Variants in LAMA4 observed in about 807,000 individuals in gnomAD.
LAMA4 encodes the protein laminin subunit alpha-4.
LAMA4 carries 127 observed loss-of-function variants against 207.1 expected under a neutral mutation model. That is an observed-to-expected ratio of 0.61 (90% CI 0.53 to 0.71). The LOEUF (loss-of-function observed/expected upper bound fraction) is 0.71, where lower values mean the gene tolerates loss of function less well. LAMA4 is among the 30% of genes least tolerant of loss of function. The pLI, the probability that LAMA4 is intolerant of heterozygous loss-of-function variation, is 0.00. For missense variants in LAMA4, 2,093 were observed against 2,246.5 expected, an observed-to-expected ratio of 0.93 and a Z score of 1.38; for synonymous variants, 761 against 816.0, an observed-to-expected ratio of 0.93 and a Z score of 1.15.
chr6:112,175,231 T>C (rs1781950338), intron 11 of LAMA4, 82 bp downstream of exon 11: 2 of 1,338,380 alleles, frequency 1.5e-6, no homozygotes, highest in South Asian at 2.4e-5. Flanking sequence ...TGATTATATG[T>C]TGCCCTAGGT....
intron 2 of LAMA4, among the ~76,000 whole-genome samples, chr6:112,233,649 T>C (rs1439410974): frequency 3.3e-5 from 5 of 152,062 alleles, no homozygotes; most frequent in Admixed American, 3.3e-4. Context: ...AGATGTGCGG[T>C]TTGTGGAGGA....
At chr6:112,184,072 A>C (rs1288847645) in intron 9 of LAMA4, among the ~76,000 whole-genome samples, 5 of 152,016 alleles carry the variant, frequency 3.3e-5, no homozygotes, top group Admixed American at 2.0e-4. Context: ...TATTTCCTTT[A>C]CTATTTAAGA....
intron 2 of LAMA4, among the ~76,000 whole-genome samples, chr6:112,227,959 A>G (rs1554363095): frequency 6.6e-6 from 1 of 152,212 alleles, no homozygotes; most frequent in Non-Finnish European, 1.5e-5. Flanking sequence ...AAGATCCTCA[A>G]AATAGTGCAC....
At chr6:112,246,520 CTT>C (rs11364561) in intron 2 of LAMA4, among the ~76,000 whole-genome samples, 326 of 127,762 alleles carry the variant, frequency 2.6e-3, no homozygotes, top group Middle Eastern at 4.0e-3. Context: ...ATCAAAGCTG[CTT>C]TTTTTTTTTT....
intron 14 of LAMA4, among the ~76,000 whole-genome samples, chr6:112,156,752 G>A (rs1014307881): frequency 9.9e-5 from 15 of 152,046 alleles, no homozygotes; most frequent in African/African-American, 3.4e-4. Context: ...CGCCTGACCT[G>A]TTGAGCTCGG....
intron 12 of LAMA4, chr6:112,171,672 T>C (rs1378644549): frequency 2.5e-5 from 2 of 80,860 alleles, no homozygotes; most frequent in Admixed American, 2.9e-4. Flanking sequence ...CATGCATTCA[T>C]TTAGCAAAAA....
chr6:112,209,634 G>C (rs547523642), intron 3 of LAMA4, among the ~76,000 whole-genome samples: 18 of 152,266 alleles, frequency 1.2e-4, no homozygotes, highest in African/African-American at 4.1e-4. Flanking sequence ...TGACCTTCCT[G>C]GTTTTCTATT....
intron 2 of LAMA4, chr6:112,216,902 TA>T (rs1345172400): frequency 8.1e-6 from 2 of 248,110 alleles, no homozygotes; most frequent in Non-Finnish European, 1.6e-5. Context: ...CAGCAATCAC[TA>T]GCTATAGGAG....
rs370510960 is a variant in LAMA4 at position 112,109,545 on chromosome 6, G to A, written c.5364C>T (p.Pro1788=). ...LLTPRLAPSK[P]FTGCIRHFVI... is the part of the protein sequence containing the mutation. ...CAAAGTGGCGTATGCAGCCTGTGAA[G>A]GGTTTGCTGGGGGCCAAGCGTGGTG... Residue 1788 remains proline (P), a synonymous_variant, in exon 39 of 39, where the codon CCC becomes CCT. Coordinates refer to ENST00000230538, the MANE Select transcript of LAMA4 (RefSeq NM_001105206.3). 6.2e-7 allele frequency: 1 copy of A among 1,614,102 alleles called. No homozygotes were observed. Among genetic ancestry groups the A allele is most frequent in the African/African-American group, 1.3e-5 (1 of 75,034 alleles).
intron 2 of LAMA4, among the ~76,000 whole-genome samples, chr6:112,239,894 T>C (rs1786261430): frequency 6.6e-6 from 1 of 152,024 alleles, no homozygotes; most frequent in South Asian, 2.1e-4. Context: ...AAACCCCGTC[T>C]CTACTAAAAA....
At chr6:112,154,821 G>T (rs782487307) in intron 16 of LAMA4, 30 bp downstream of exon 16, 2 of 1,337,732 alleles carry the variant, frequency 1.5e-6, no homozygotes, top group South Asian at 1.2e-5. Flanking sequence ...CTATAAATTA[G>T]AAAGGAGATA....
intron 2 of LAMA4, among the ~76,000 whole-genome samples, chr6:112,243,219 G>A (rs1294346385): frequency 6.6e-6 from 1 of 152,066 alleles, no homozygotes; most frequent in African/African-American, 2.4e-5. Context: ...TGGCTGGGTT[G>A]GTAACCTGTG....
chr6:112,225,570 G>A (rs1310426257), intron 2 of LAMA4, among the ~76,000 whole-genome samples: 2 of 152,100 alleles, frequency 1.3e-5, no homozygotes, highest in African/African-American at 2.4e-5. Flanking sequence ...TTTAAATGCA[G>A]ATATATGAAG....
rs1562654755 is a variant in LAMA4 at position 112,142,278 on chromosome 6, C to A, written c.2508G>T (p.Met836Ile). The A allele has an allele frequency of 1.2e-6, 2 of 1,614,092 alleles. No homozygotes were observed. The highest frequency in any genetic ancestry group is 1.7e-6 in the Non-Finnish European group (2 of 1,179,986). Residue 836 changes from methionine (M) to isoleucine (I), a missense_variant, in exon 20 of 39, where the codon ATG becomes ATT. Coordinates refer to ENST00000230538, the MANE Select transcript of LAMA4 (RefSeq NM_001105206.3). ...RSVASKIQVSMMFDGQSAVEV... is the reference protein window; with the variant it reads ...RSVASKIQVSIMFDGQSAVEV... The stretch of plus-strand genomic sequence containing the variant: ...CCACAGCTGACTGGCCATCAAACAT[C>A]ATGGAGACTTGGATCTGGAGTGACA...
rs183885492 is a variant in LAMA4 at position 112,241,832 on chromosome 6, T to C, written c.195+12124A>G. ...ACTTTCCTGCAGATTTCAATCCCTA[T>C]AGAAAAGGACCAGCTGGAGGAAGAG... On this transcript the variant is annotated intron_variant, in intron 2 of 38. Coordinates refer to ENST00000230538, the MANE Select transcript of LAMA4 (RefSeq NM_001105206.3). Among the ~76,000 whole-genome samples the C allele has an allele frequency of 3.2e-3, 482 of 152,250 alleles. 5 individuals carry two copies. The highest frequency in any genetic ancestry group is 0.024 in the Middle Eastern group (7 of 294).
chr6:112,116,270 A>G (rs1778014027), intron 35 of LAMA4, among the ~76,000 whole-genome samples: 1 of 152,158 alleles, frequency 6.6e-6, no homozygotes, highest in South Asian at 2.1e-4. Flanking sequence ...ATTAATTCCA[A>G]GTAGCAGCAG....
Position 112,136,200 on chromosome 6 carries a change from A to C in LAMA4, c.3337T>G (p.Phe1113Val), listed in dbSNP as rs1187379113. 2.5e-6 allele frequency: 4 copies of C among 1,612,628 alleles called. No homozygotes were observed. The highest frequency in any genetic ancestry group is 3.4e-6 in the Non-Finnish European group (4 of 1,178,840). Residue 1113 changes from phenylalanine (F) to valine (V), a missense_variant, in exon 25 of 39, where the codon TTT becomes GTT. This residue lies in a region of LAMA4 where 1,704 missense variants were observed against 1,788.4 expected (regional missense o/e 0.95). Coordinates refer to ENST00000230538, the MANE Select transcript of LAMA4 (RefSeq NM_001105206.3). ...TGCACAGGGCCACCGCTGAATCCAA[A>C]ATCATAGAACACATGTAGGTAACCA... ...RNGYLHVFYD[F>V]GFSGGPVHLE...
chr6:112,250,788 G>C (rs1787389258), intron 2 of LAMA4, among the ~76,000 whole-genome samples: 1 of 152,110 alleles, frequency 6.6e-6, no homozygotes, highest in Non-Finnish European at 1.5e-5. Flanking sequence ...TGATGGACAA[G>C]AATCTCATTC....
rs182330577 is a variant in LAMA4, at chr6:112,215,107, A to T, written c.297+1261T>A. Among the ~76,000 whole-genome samples, 3 of 152,296 alleles carry T rather than the reference A, an allele frequency of 2.0e-5. No homozygotes were observed. The East Asian group carries it at 5.8e-4, about 29-fold the overall frequency. ...GTATCCATGGGATTTTTCCCCCCAA[A>T]TGTCACTGGGATTAAAATAACAGGA... On this transcript the variant is annotated intron_variant, in intron 3 of 38. Coordinates refer to ENST00000230538, the MANE Select transcript of LAMA4 (RefSeq NM_001105206.3).
Sources: allele counts gnomAD v4.1 joint callset (sites outside exome capture counted in the v4.1 genomes callset), GRCh38; gene constraint gnomAD v4.1.1; regional missense constraint gnomAD v4.1.1; transcripts MANE v1.5; gene names NCBI Gene and HGNC (gene_info 2026-07-23, HGNC 2026-07-21).